Variants in CDH4 observed in about 807,000 individuals in gnomAD.
CDH4 encodes cadherin 4.
In CDH4, 33 loss-of-function variants were observed where a neutral mutation model predicts 86.0. That is an observed-to-expected ratio of 0.38 (90% CI 0.29 to 0.51). CDH4 has a LOEUF of 0.51. Ranked by LOEUF, CDH4 falls within the 20% of genes least tolerant of loss-of-function variation. The pLI is 0.86. For synonymous variants in CDH4, 555 were observed against 549.4 expected, an observed-to-expected ratio of 1.01 and a Z score of -0.14; for missense variants, 1,114 against 1,307.4, an observed-to-expected ratio of 0.85 and a Z score of 2.28.
chr20:61,714,038 T>TTATGTTATGCTATGTTATGTTATGTTAAA (rs1568771970), intron 2 of CDH4, among the ~76,000 whole-genome samples: 1 of 139,602 alleles, frequency 7.2e-6, no homozygotes, highest in African/African-American at 2.8e-5. Context: ...TTTATTTTAT[T>TTATGTTATGCTATGTTATGTTATGTTAAA]TTATTTTATT....
intron 2 of CDH4, among the ~76,000 whole-genome samples, chr20:61,456,503 G>T (rs1395839926): frequency 6.6e-6 from 1 of 152,210 alleles, no homozygotes. Context: ...ATAAGCAGGG[G>T]TGCTGCTATA....
intron 2 of CDH4, chr20:61,718,731 G>A (rs560087119): frequency 4.4e-6 from 2 of 452,304 alleles, no homozygotes; most frequent in South Asian, 1.6e-5. Context: ...GGGCATTTGA[G>A]TGCAGGAGAC....
chr20:61,317,399 C>T (rs2084482568), intron 2 of CDH4, among the ~76,000 whole-genome samples: 1 of 152,296 alleles, frequency 6.6e-6, no homozygotes, highest in East Asian at 1.9e-4. Context: ...TCTCCAGGTG[C>T]CTGCACTGTA....
At position 61,582,735 on chromosome 20, in the gene CDH4, T is replaced by C. The variant is rs1249199717; in HGVS notation, c.170-160828T>C. ...GCTCCACTTCTCCCCAGATGTCCTG[T>C]TGGTGCCCAGCACGCCTGCCCTTCG... On this transcript the variant is annotated intron_variant, in intron 2 of 15. Transcript: ENST00000614565. The surrounding 1 kb of genome is among the most constrained non-coding windows in gnomAD (Gnocchi z 4.2). 6.6e-6 allele frequency among the ~76,000 whole-genome samples: 1 copy of C among 152,192 alleles called. No individual in the cohort carries two copies. The highest frequency in any genetic ancestry group is 1.5e-5 in the Non-Finnish European group (1 of 68,026).
intron 2 of CDH4, among the ~76,000 whole-genome samples, chr20:61,289,146 G>A (rs1190593855): frequency 1.3e-5 from 2 of 152,244 alleles, no homozygotes; most frequent in Non-Finnish European, 2.9e-5. Flanking sequence ...GGAGGGCAGA[G>A]GAGAACGGGG....
Position 61,807,562 on chromosome 20 carries a change from G to T in CDH4, c.576+34380G>T, listed in dbSNP as rs1366901283. ...GTGCAGCTGTGTCCACCATCAGCGA[G>T]GGGAGTGTGACCAAGGGCAGGTGTT... is the stretch of plus-strand genomic sequence containing the variant. On this transcript the variant is annotated intron_variant, in intron 4 of 15. Coordinates refer to ENST00000614565, the MANE Select transcript of CDH4 (RefSeq NM_001794.5). The surrounding 1 kb of genome is among the most constrained non-coding windows in gnomAD (Gnocchi z 4.5). Among the ~76,000 whole-genome samples the T allele has an allele frequency of 2.6e-5, 4 of 152,238 alleles. No individual in the cohort carries two copies. The highest frequency in any genetic ancestry group is 5.9e-5 in the Non-Finnish European group (4 of 68,038).
At chr20:61,833,402 T>A (rs1981716355) in intron 4 of CDH4, among the ~76,000 whole-genome samples, 1 of 152,138 alleles carries the variant, frequency 6.6e-6, no homozygotes, top group Non-Finnish European at 1.5e-5. Flanking sequence ...TCTACTAGTA[T>A]GCAGAGCTCT....
At chr20:61,692,187 CTG>C (rs67418483) in intron 2 of CDH4, among the ~76,000 whole-genome samples, 49,037 of 149,602 alleles carry the variant, frequency 0.33, 10,443 homozygotes, top group Non-Finnish European at 0.47. Context: ...TTATATGTGT[CTG>C]TATATGTTTG....
chr20:61,928,066 G>C (rs1490278329), intron 11 of CDH4, 124 bp from the exon 12 acceptor site: 2 of 781,172 alleles, frequency 2.6e-6, no homozygotes, highest in African/African-American at 3.4e-5. Context: ...TCCGGCTGGG[G>C]GTCTGCACAT....
At chr20:61,597,853 C>T (rs754150702) in intron 2 of CDH4, among the ~76,000 whole-genome samples, 4 of 152,102 alleles carry the variant, frequency 2.6e-5, no homozygotes, top group African/African-American at 7.2e-5. Flanking sequence ...TGCAGCCGGG[C>T]GTGGAGTGAG....
At chr20:61,515,137 CT>C (rs2085809262) in intron 2 of CDH4, among the ~76,000 whole-genome samples, 1 of 152,250 alleles carries the variant, frequency 6.6e-6, no homozygotes, top group African/African-American at 2.4e-5. Context: ...AATGTCCTTG[CT>C]TTTGCATTTT....
intron 2 of CDH4, among the ~76,000 whole-genome samples, chr20:61,530,916 A>G (rs564489692): frequency 6.6e-6 from 1 of 152,162 alleles, no homozygotes; most frequent in African/African-American, 2.4e-5. Context: ...TGTTGGAAAG[A>G]ATCAGCTGCT....
chr20:61,874,535 G>A (rs963816743), intron 7 of CDH4, among the ~76,000 whole-genome samples: 1 of 152,168 alleles, frequency 6.6e-6, no homozygotes, highest in Admixed American at 6.5e-5. Context: ...GACCCCAGAG[G>A]GAGGCCCTGG....
intron 5 of CDH4, among the ~76,000 whole-genome samples, chr20:61,850,677 C>T (rs1982676817): frequency 6.6e-6 from 1 of 152,248 alleles, no homozygotes; most frequent in Admixed American, 6.5e-5. Context: ...GCACTCTGCG[C>T]CTGACGCTCC....
chr20:61,928,666 C>T (rs914201562), intron 12 of CDH4, among the ~76,000 whole-genome samples: 2 of 152,232 alleles, frequency 1.3e-5, no homozygotes, highest in African/African-American at 4.8e-5. Flanking sequence ...CGTGAACATC[C>T]TTGCAGCTCT....
intron 2 of CDH4, among the ~76,000 whole-genome samples, chr20:61,664,256 G>C (rs552073193): frequency 3.3e-5 from 5 of 152,348 alleles, no homozygotes; most frequent in Admixed American, 6.5e-5. Flanking sequence ...TCCTGGAGCT[G>C]TGCTGTCACC....
intron 4 of CDH4, among the ~76,000 whole-genome samples, chr20:61,790,814 A>G (rs918326902): frequency 1.5e-5 from 2 of 136,228 alleles, no homozygotes; most frequent in African/African-American, 7.2e-5. Flanking sequence ...CCATCCATCC[A>G]TCCACCCACC....
rs185888612 is a variant in CDH4, at chr20:61,780,544, T to C, written c.576+7362T>C. Among the ~76,000 whole-genome samples the C allele has an allele frequency of 2.6e-5, 4 of 152,368 alleles. No individual in the cohort carries two copies. In the East Asian group the frequency reaches 7.7e-4, roughly 29 times the overall value. ...CGGCCCTAGTGCCTACCTCTGCTAG[T>C]CAGCCCTTCATGGTCATTAGGAAGA... On this transcript the variant is annotated intron_variant, in intron 4 of 15. Transcript: ENST00000614565.
chr20:61,391,300 C>T (rs571144940), intron 2 of CDH4, among the ~76,000 whole-genome samples: 1 of 152,246 alleles, frequency 6.6e-6, no homozygotes, highest in South Asian at 2.1e-4. Context: ...TGGAAGCCGT[C>T]GGGGCTGGGC....
Sources: allele counts gnomAD v4.1 joint callset (sites outside exome capture counted in the v4.1 genomes callset), GRCh38; gene constraint gnomAD v4.1.1; non-coding constraint Gnocchi (gnomAD v3.1); transcripts MANE v1.5; gene names NCBI Gene and HGNC (gene_info 2026-07-23, HGNC 2026-07-21).